The following ZNF521 variants were observed in gnomAD, a reference collection of about 807,000 sequenced individuals.
ZNF521 encodes the protein zinc finger protein 521.
In ZNF521, 14 loss-of-function variants were observed where a neutral mutation model predicts 105.5. That is an observed-to-expected ratio of 0.13 (90% CI 0.09 to 0.21). The LOEUF (loss-of-function observed/expected upper bound fraction) is 0.21, where lower values mean the gene tolerates loss of function less well. ZNF521 is among the 10% of genes least tolerant of loss of function. The pLI is 1.00. For synonymous variants in ZNF521, 635 were observed against 606.0 expected (o/e 1.05, Z -0.70); for missense variants, 1,233 against 1,629.7 (o/e 0.76, Z 4.19).
Position 25,083,619 on chromosome 18 carries a change from T to C in ZNF521, c.3906+5846A>G, listed in dbSNP as rs886678686. Among the ~76,000 whole-genome samples, 5 of 152,350 alleles carry C rather than the reference T, an allele frequency of 3.3e-5. No individual in the cohort carries two copies. The South Asian group carries it at 8.3e-4, about 25-fold the overall frequency. On this transcript the variant is annotated intron_variant, in intron 7 of 7. Coordinates refer to ENST00000361524, the MANE Select transcript of ZNF521 (RefSeq NM_015461.3). Reference sequence around the variant, plus strand: ...ACAATTGATTACATATCACCTCATATAGTAGCTATTTCTTTGCCTATCTTC... The same window carrying C: ...ACAATTGATTACATATCACCTCATACAGTAGCTATTTCTTTGCCTATCTTC...
intron 4 of ZNF521, among the ~76,000 whole-genome samples, chr18:25,198,818 C>A (rs1309869898): frequency 6.6e-6 from 1 of 151,734 alleles, no homozygotes; most frequent in African/African-American, 2.4e-5. Context: ...TTTTGCAATG[C>A]CAAATAAAAT....
At chr18:25,351,063 G>A in intron 1 of ZNF521, 116 bp from the exon 2 acceptor site, 2 of 678,326 alleles carry the variant, frequency 2.9e-6, no homozygotes, top group Non-Finnish European at 3.9e-6. Flanking sequence ...CCTCCCTCGC[G>A]CCCTCGCTCC....
chr18:25,183,973 CAGAT>C (rs1330184772), intron 5 of ZNF521, among the ~76,000 whole-genome samples: 1 of 152,036 alleles, frequency 6.6e-6, no homozygotes, highest in Non-Finnish European at 1.5e-5. Flanking sequence ...AGCTTTGAAA[CAGAT>C]AGGGGATGGT....
chr18:25,177,549 A>ATT (rs770555164), intron 5 of ZNF521, among the ~76,000 whole-genome samples: 7 of 145,820 alleles, frequency 4.8e-5, no homozygotes, highest in Non-Finnish European at 3.0e-5. Context: ...CTTTGTGAGG[A>ATT]TTTTTTTTTT....
chr18:25,089,394 T>C, intron 7 of ZNF521, 71 bp downstream of exon 7: 1 of 1,210,688 alleles, frequency 8.3e-7, no homozygotes, highest in Non-Finnish European at 1.2e-6. Context: ...TGAATCCAGA[T>C]TTAAAATGCC....
At chr18:25,103,973 T>C (rs2034021863) in intron 5 of ZNF521, among the ~76,000 whole-genome samples, 1 of 152,134 alleles carries the variant, frequency 6.6e-6, no homozygotes, top group South Asian at 2.1e-4. Context: ...CTAAAGACTA[T>C]GAAAAAGGGC....
rs776314435 is a variant in ZNF521 at position 25,352,156 on chromosome 18, A to C, written c.-153T>G. On this transcript the variant is annotated 5_prime_UTR_variant, in exon 1 of 8. Transcript: ENST00000361524. Reference sequence around the variant, plus strand: ...CGTAATCACTGAGGAAATCATTGTCAGCCTGCCTGCACTCACACACAGACA... The same window carrying C: ...CGTAATCACTGAGGAAATCATTGTCCGCCTGCCTGCACTCACACACAGACA... 5.1e-6 allele frequency: 2 copies of C among 388,824 alleles called. No individual in the cohort carries two copies. The highest frequency in any genetic ancestry group is 4.7e-5 in the Admixed American group (2 of 42,914). The allele number at this position is 388,824 out of a possible 1,614,324, so 24.1% of individuals were successfully genotyped here. A position where few individuals can be genotyped will look rare whatever the true frequency, so the allele number is the denominator to read the frequency against.
At chr18:25,253,906 AT>A (rs1908291136) in intron 3 of ZNF521, among the ~76,000 whole-genome samples, 1 of 152,056 alleles carries the variant, frequency 6.6e-6, no homozygotes, top group Admixed American at 6.6e-5. Context: ...CTCTTGGATA[AT>A]TTTTACACAT....
intron 5 of ZNF521, among the ~76,000 whole-genome samples, chr18:25,108,961 T>C (rs1349910719): frequency 6.6e-6 from 1 of 152,188 alleles, no homozygotes; most frequent in Non-Finnish European, 1.5e-5. Context: ...TTTAATTTAA[T>C]TTTTAAATTT....
chr18:25,163,965 G>A (rs1429214235), intron 5 of ZNF521, among the ~76,000 whole-genome samples: 1 of 152,158 alleles, frequency 6.6e-6, no homozygotes, highest in East Asian at 1.9e-4. Flanking sequence ...AGGGGCAGAA[G>A]GAGAGGACAG....
chr18:25,124,500 A>G (rs1014086766), intron 5 of ZNF521, among the ~76,000 whole-genome samples: 6 of 152,184 alleles, frequency 3.9e-5, no homozygotes, highest in African/African-American at 1.4e-4. Context: ...ATGAATTTAC[A>G]GTGTAAATAT....
chr18:25,121,111 A>ATTT (rs5823467), intron 5 of ZNF521, among the ~76,000 whole-genome samples: 52,168 of 118,608 alleles, frequency 0.44, 15,004 homozygotes, highest in Non-Finnish European at 0.55. Flanking sequence ...AAGAAGGAGT[A>ATTT]TTTTTTTTTT....
intron 3 of ZNF521, among the ~76,000 whole-genome samples, chr18:25,289,857 C>G (rs931073693): frequency 5.3e-5 from 8 of 152,198 alleles, no homozygotes; most frequent in African/African-American, 1.9e-4. Context: ...AAGTGTAGCT[C>G]TGTGTGTTAT....
chr18:25,076,329 T>A (rs908911533), intron 7 of ZNF521, among the ~76,000 whole-genome samples: 1 of 152,220 alleles, frequency 6.6e-6, no homozygotes, highest in Non-Finnish European at 1.5e-5. Flanking sequence ...TTGCTGTTGG[T>A]TGGAAGAAAG....
At chr18:25,135,430 TG>T (rs2034716260) in intron 5 of ZNF521, among the ~76,000 whole-genome samples, 1 of 151,956 alleles carries the variant, frequency 6.6e-6, no homozygotes, top group African/African-American at 2.4e-5. Context: ...GGAAGGATGA[TG>T]GGGGTTGGGC....
At chr18:25,172,002 T>C (rs2035456859) in intron 5 of ZNF521, among the ~76,000 whole-genome samples, 1 of 151,580 alleles carries the variant, frequency 6.6e-6, no homozygotes, top group Non-Finnish European at 1.5e-5. Flanking sequence ...ACACACCATA[T>C]GATATGATTC....
rs1906247647 is a variant in ZNF521 at position 25,227,580 on chromosome 18, C to T, written c.338G>A (p.Gly113Asp). ...TTGACACGGGTATGGAAGCCCAGGG[C>T]CACCTTCTTCCTCTCCAAAATCGCA... Reference protein sequence around the residue: ...EGCDFGEEEGGPGLPYPCQFC... With the variant: ...EGCDFGEEEGDPGLPYPCQFC... The change falls in exon 4 of 8, where the codon GGC becomes GAC. Residue 113 changes from glycine to aspartate, a missense_variant. Physicochemically the swap from Gly to Asp is moderately conservative, Grantham distance 94 (BLOSUM62 -1). Transcript: ENST00000361524. This position sits in a 1 kb window ranked among gnomAD's most constrained non-coding sequence, Gnocchi z 5.7. The T allele has an allele frequency of 1.2e-6, 2 of 1,614,008 alleles. No homozygotes were observed. The highest frequency in any genetic ancestry group is 2.7e-5 in the African/African-American group (2 of 74,906).
intron 7 of ZNF521, among the ~76,000 whole-genome samples, chr18:25,080,248 A>C (rs1048181065): frequency 6.6e-6 from 1 of 152,184 alleles, no homozygotes; most frequent in African/African-American, 2.4e-5. Flanking sequence ...AGGCAGTTTA[A>C]AATTTCACCA....
chr18:25,347,166 A>G (rs1023576032), intron 2 of ZNF521, among the ~76,000 whole-genome samples: 2 of 152,218 alleles, frequency 1.3e-5, no homozygotes, highest in Non-Finnish European at 2.9e-5. Flanking sequence ...CAGGAGAACT[A>G]TTTTGAGTCA....
Sources: allele counts gnomAD v4.1 joint callset (sites outside exome capture counted in the v4.1 genomes callset), GRCh38; gene constraint gnomAD v4.1.1; non-coding constraint Gnocchi (gnomAD v3.1); transcripts MANE v1.5; gene names NCBI Gene and HGNC (gene_info 2026-07-23, HGNC 2026-07-21).